Variants in MED27 observed in about 807,000 individuals in gnomAD.
MED27 encodes mediator complex subunit 27, also known as mediator of RNA polymerase II transcription subunit 27.
A neutral mutation model predicts 38.2 loss-of-function variants in MED27; 30 were observed. The observed-to-expected ratio is 0.79, with a 90% CI of 0.59 to 1.07. The LOEUF (loss-of-function observed/expected upper bound fraction) is 1.07, where lower values mean the gene tolerates loss of function less well. Ranked by LOEUF, MED27 falls within the 50% of genes least tolerant of loss-of-function variation. The pLI, the probability that MED27 is intolerant of heterozygous loss-of-function variation, is 0.00. For synonymous variants in MED27, 122 were observed against 153.5 expected (o/e 0.79, Z 1.52); for missense variants, 289 against 397.5 (o/e 0.73, Z 2.32).
intron 2 of MED27, among the ~76,000 whole-genome samples, chr9:132,019,393 G>A (rs1384002449): frequency 2.6e-5 from 4 of 152,156 alleles, no homozygotes; most frequent in Admixed American, 1.3e-4. Flanking sequence ...GGCCTCTTAC[G>A]AAAGCAAACA....
intron 4 of MED27, among the ~76,000 whole-genome samples, chr9:131,920,755 G>A (rs1830376408): frequency 6.6e-6 from 1 of 152,100 alleles, no homozygotes; most frequent in African/African-American, 2.4e-5. Flanking sequence ...TTGGCCAAAG[G>A]CCTTAAGGCA....
At chr9:131,867,895 C>T (rs1404149490) in intron 6 of MED27, among the ~76,000 whole-genome samples, 1 of 152,206 alleles carries the variant, frequency 6.6e-6, no homozygotes, top group Non-Finnish European at 1.5e-5. Context: ...GCCCACACTG[C>T]TGGTTAGGGA....
rs1451395698 is a variant in MED27, at chr9:131,982,747, G to A, written c.479+31590C>T. Among the ~76,000 whole-genome samples, 2 of 152,158 alleles carry A rather than the reference G, an allele frequency of 1.3e-5. No homozygotes were observed. The highest frequency in any genetic ancestry group is 2.9e-5 in the Non-Finnish European group (2 of 68,034). On this transcript the variant is annotated intron_variant, in intron 3 of 7. Transcript: ENST00000292035. This position sits in a 1 kb window ranked among gnomAD's most constrained non-coding sequence, Gnocchi z 4.3. Reference sequence around the variant, plus strand: ...AAGGCCCAGGGAGTAAATATTGTCAGCTTTTCTGGCTACAGGATCTGCCGC... The same window carrying A: ...AAGGCCCAGGGAGTAAATATTGTCAACTTTTCTGGCTACAGGATCTGCCGC...
intron 3 of MED27, among the ~76,000 whole-genome samples, chr9:131,996,929 C>T (rs778025408): frequency 1.4e-4 from 22 of 152,036 alleles, no homozygotes; most frequent in Admixed American, 5.9e-4. Context: ...TGCATACAAC[C>T]TACAAAATAT....
chr9:131,884,031 G>A, intron 6 of MED27, 27 bp downstream of exon 6: 1 of 1,601,772 alleles, frequency 6.2e-7, no homozygotes. Flanking sequence ...AATGCCGCTT[G>A]AGTAAGAAGC....
chr9:132,071,899 C>A (rs922309044), intron 2 of MED27, among the ~76,000 whole-genome samples: 2 of 151,922 alleles, frequency 1.3e-5, no homozygotes, highest in African/African-American at 2.4e-5. Context: ...TGGATGAGCA[C>A]ACAAGCATAT....
chr9:132,025,434 G>C (rs577780312), intron 2 of MED27, among the ~76,000 whole-genome samples: 29 of 152,266 alleles, frequency 1.9e-4, no homozygotes, highest in African/African-American at 5.3e-4. Flanking sequence ...TGCCCGCCTC[G>C]ACCTCCCAAA....
chr9:132,031,600 G>A (rs893906208), intron 2 of MED27, among the ~76,000 whole-genome samples: 6 of 152,050 alleles, frequency 3.9e-5, no homozygotes, highest in African/African-American at 1.4e-4. Context: ...GAGCCCAGGA[G>A]TTACAGTCCA....
At chr9:131,938,217 T>C (rs1466941337) in intron 4 of MED27, among the ~76,000 whole-genome samples, 1 of 152,210 alleles carries the variant, frequency 6.6e-6, no homozygotes, top group Non-Finnish European at 1.5e-5. Context: ...ACTGGCTATT[T>C]ATAAGATTTC....
At chr9:132,067,228 C>G (rs1833827809) in intron 2 of MED27, among the ~76,000 whole-genome samples, 4 of 152,236 alleles carry the variant, frequency 2.6e-5, no homozygotes, top group African/African-American at 9.6e-5. Flanking sequence ...CCTGTGAGAT[C>G]AGCGCCATGC....
chr9:131,869,353 T>C, intron 6 of MED27: 1 of 984,766 alleles, frequency 1.0e-6, no homozygotes, highest in Non-Finnish European at 1.2e-6. Flanking sequence ...GTTGTTTTTT[T>C]GCTCAGCATC....
chr9:132,026,281 A>G (rs1008279405), intron 2 of MED27, among the ~76,000 whole-genome samples: 3 of 152,212 alleles, frequency 2.0e-5, no homozygotes, highest in Non-Finnish European at 2.9e-5. Context: ...GAAAATAAGA[A>G]TAGGCAACTT....
intron 2 of MED27, among the ~76,000 whole-genome samples, chr9:132,055,423 A>T (rs1182697743): frequency 6.6e-6 from 1 of 152,222 alleles, no homozygotes; most frequent in Non-Finnish European, 1.5e-5. Flanking sequence ...GGACCTAGTC[A>T]TCTATGAGTA....
chr9:131,959,178 A>C (rs1270147865), intron 3 of MED27, among the ~76,000 whole-genome samples: 2 of 152,192 alleles, frequency 1.3e-5, no homozygotes, highest in Non-Finnish European at 2.9e-5. Context: ...CAGCTCTATG[A>C]AGTAGGTGAG....
chr9:132,061,031 A>C (rs915786563), intron 2 of MED27, among the ~76,000 whole-genome samples: 12 of 152,178 alleles, frequency 7.9e-5, no homozygotes, highest in Admixed American at 7.9e-4. Flanking sequence ...ATCTCCTGTC[A>C]CCCTACAAGT....
At chr9:131,934,557 T>C (rs1830647250) in intron 4 of MED27, among the ~76,000 whole-genome samples, 2 of 152,190 alleles carry the variant, frequency 1.3e-5, no homozygotes, top group Middle Eastern at 3.4e-3. Flanking sequence ...AGACGGGCAA[T>C]AACAAATGCT....
chr9:131,916,364 T>C (rs564700786), intron 4 of MED27, among the ~76,000 whole-genome samples: 4 of 152,352 alleles, frequency 2.6e-5, no homozygotes, highest in Non-Finnish European at 2.9e-5. Flanking sequence ...GACAACCCGA[T>C]TGTCTACAAG....
intron 6 of MED27, among the ~76,000 whole-genome samples, chr9:131,881,104 C>T (rs1294448988): frequency 1.3e-5 from 2 of 151,974 alleles, no homozygotes; most frequent in Non-Finnish European, 2.9e-5. Context: ...AAGATAAGGA[C>T]CAGATTGAGG....
intron 2 of MED27, among the ~76,000 whole-genome samples, chr9:132,019,596 A>G (rs1370395283): frequency 6.6e-6 from 1 of 152,234 alleles, no homozygotes; most frequent in African/African-American, 2.4e-5. Context: ...AGGCCAAAGT[A>G]GATGCCAATC....
Sources: gnomAD v4.1 joint callset for allele counts (sites outside exome capture counted in the v4.1 genomes callset) on GRCh38, gnomAD v4.1.1 for gene constraint, Gnocchi (gnomAD v3.1) non-coding constraint, MANE v1.5 for transcripts, NCBI Gene and HGNC (gene_info 2026-07-23, HGNC 2026-07-21) for gene names.